The following PCDHGB6 variants were observed in gnomAD, a reference collection of about 807,000 sequenced individuals.
PCDHGB6 encodes protocadherin gamma-B6.
Under a neutral mutation model 59.1 loss-of-function variants are expected in PCDHGB6, and 51 were observed. The ratio of observed to expected loss-of-function variants is 0.86; its 90% CI spans 0.69 to 1.09. PCDHGB6 has a LOEUF of 1.09. Ranked by LOEUF, PCDHGB6 falls within the 50% of genes least tolerant of loss-of-function variation. The pLI is 0.00. For synonymous variants in PCDHGB6, 466 were observed against 495.1 expected (o/e 0.94, Z 0.78); for missense variants, 1,148 against 1,205.1 (o/e 0.95, Z 0.70).
At position 141,485,162 on chromosome 5, in the gene PCDHGB6, C is replaced by A. The variant is rs759021453; in HGVS notation, c.2419-9645C>A. The A allele has an allele frequency of 8.7e-6, 14 of 1,602,188 alleles. No individual in the cohort carries two copies. The Admixed American group carries it at 2.0e-4, about 23-fold the overall frequency. ...GTCTCAGGAGCAAGTAGAGAATTAGCGGGCGGCAGCAATGCTCCGCAAGGT... is the reference window on the plus strand; with the variant it reads ...GTCTCAGGAGCAAGTAGAGAATTAGAGGGCGGCAGCAATGCTCCGCAAGGT... On this transcript the variant is annotated intron_variant, in intron 1 of 3. Transcript: ENST00000520790. The surrounding 1 kb of genome is among the most constrained non-coding windows in gnomAD (Gnocchi z 5.7).
chr5:141,447,123 TTTTG>T (rs1327676720), intron 1 of PCDHGB6, among the ~76,000 whole-genome samples: 7 of 152,278 alleles, frequency 4.6e-5, no homozygotes, highest in African/African-American at 1.4e-4. Context: ...CCATGGATTT[TTTTG>T]TTTGTTTGTT....
intron 1 of PCDHGB6, chr5:141,413,386 GTC>G: frequency 6.2e-7 from 1 of 1,614,002 alleles, no homozygotes; most frequent in Non-Finnish European, 8.5e-7. Context: ...AGTCCGCATA[GTC>G]TCCAGAGGTA....
chr5:141,469,974 T>C (rs1456176152), intron 1 of PCDHGB6, among the ~76,000 whole-genome samples: 1 of 151,864 alleles, frequency 6.6e-6, no homozygotes, highest in African/African-American at 2.4e-5. Context: ...GTACCAAAAA[T>C]ACAAAAATTA....
chr5:141,413,636 T>G, intron 1 of PCDHGB6: 2 of 1,613,876 alleles, frequency 1.2e-6, no homozygotes, highest in South Asian at 2.2e-5. Context: ...GCTGCGGGAA[T>G]GCGTTTTCCT....
Position 141,419,681 on chromosome 5 carries a change from G to A in PCDHGB6, c.2418+9061G>A, listed in dbSNP as rs377117997. ...GCACAATGCCTGGCTGTCCTACCACGTGGTGCAGGCCAGTGAGCCCGGGCT... is the reference window on the plus strand; with the variant it reads ...GCACAATGCCTGGCTGTCCTACCACATGGTGCAGGCCAGTGAGCCCGGGCT... On this transcript the variant is annotated intron_variant, in intron 1 of 3. Coordinates refer to ENST00000520790, the MANE Select transcript of PCDHGB6 (RefSeq NM_018926.3). 76 of 1,612,904 alleles carry A rather than the reference G, an allele frequency of 4.7e-5. No homozygotes were observed. The highest frequency in any genetic ancestry group is 5.7e-5 in the Non-Finnish European group (67 of 1,179,706).
chr5:141,473,017 A>AGAAG (rs1484773075), intron 1 of PCDHGB6, among the ~76,000 whole-genome samples: 3 of 151,764 alleles, frequency 2.0e-5, no homozygotes, highest in African/African-American at 4.8e-5. Flanking sequence ...AGAAAAAGAA[A>AGAAG]GAAGGAAGGA....
rs745658462 is a variant in PCDHGB6 at position 141,414,720 on chromosome 5, T to C, written c.2418+4100T>C. 6 of 1,614,132 alleles carry C rather than the reference T, an allele frequency of 3.7e-6. No homozygotes were observed. The East Asian group carries it at 1.3e-4, about 36-fold the overall frequency. ...CATACATATCCATCAACTCAGACAC[T>C]GGCGTCCTGTATGCACTCAGATCCT... On this transcript the variant is annotated intron_variant, in intron 1 of 3. Coordinates refer to ENST00000520790, the MANE Select transcript of PCDHGB6 (RefSeq NM_018926.3).
chr5:141,503,307 G>T (rs1042228003), intron 2 of PCDHGB6, among the ~76,000 whole-genome samples: 5 of 152,096 alleles, frequency 3.3e-5, no homozygotes, highest in African/African-American at 1.2e-4. Context: ...GCTCAAGAAA[G>T]AATTGTTGGA....
In PCDHGB6 at chr5:141,432,171, T is replaced by C. The variant is rs114326665; in HGVS notation, c.2418+21551T>C. On this transcript the variant is annotated intron_variant, in intron 1 of 3. Coordinates refer to ENST00000520790, the MANE Select transcript of PCDHGB6 (RefSeq NM_018926.3). This position sits in a 1 kb window ranked among gnomAD's most constrained non-coding sequence, Gnocchi z 6.0. ...GAGAACAATCCCAGAGGAGTTTCCC[T>C]CGTCTCTGTGACCGCCCACGACCCC... The C allele has an allele frequency of 4.4e-5, 71 of 1,614,046 alleles. No individual in the cohort carries two copies. In the African/African-American group the frequency reaches 8.5e-4, roughly 19 times the overall value.
chr5:141,428,199 C>T (rs760718878), intron 1 of PCDHGB6: 28 of 1,364,510 alleles, frequency 2.1e-5, no homozygotes, highest in Non-Finnish European at 2.9e-5. Flanking sequence ...CTCTCTGCGC[C>T]GCTACGCTTC....
At chr5:141,453,321 T>TG (rs2098762672) in intron 1 of PCDHGB6, among the ~76,000 whole-genome samples, 2 of 151,876 alleles carry the variant, frequency 1.3e-5, no homozygotes, top group Admixed American at 6.6e-5. Context: ...ATTTTAGAGA[T>TG]GGGGTCTCAC....
At chr5:141,413,450 G>T (rs2095642221) in intron 1 of PCDHGB6, 1 of 1,614,148 alleles carries the variant, frequency 6.2e-7, no homozygotes, top group Non-Finnish European at 8.5e-7. Context: ...ATCACCGCGG[G>T]CAGGATAGAC....
At chr5:141,418,895 GAA>G (rs746676640) in intron 1 of PCDHGB6, 1 of 1,613,998 alleles carries the variant, frequency 6.2e-7, no homozygotes, top group Admixed American at 1.7e-5. Flanking sequence ...CAACAGCCCA[GAA>G]ATAATCATCA....
Position 141,489,391 on chromosome 5 carries a change from G to C in PCDHGB6, c.2419-5416G>C. 6.2e-7 allele frequency: 1 copy of C among 1,614,174 alleles called. No individual in the cohort carries two copies. The highest frequency in any genetic ancestry group is 8.5e-7 in the Non-Finnish European group (1 of 1,180,022). ...GACGCTGGTGGGGAATGTTGCTCAG[G>C]ATCTGGGCTTAAAGATGACAGATCT... On this transcript the variant is annotated intron_variant, in intron 1 of 3. Transcript: ENST00000520790. This position sits in a 1 kb window ranked among gnomAD's most constrained non-coding sequence, Gnocchi z 4.5.
At position 141,487,700 on chromosome 5, in the gene PCDHGB6, C is replaced by A; in HGVS notation, c.2419-7107C>A. On this transcript the variant is annotated intron_variant, in intron 1 of 3. Coordinates refer to ENST00000520790, the MANE Select transcript of PCDHGB6 (RefSeq NM_018926.3). This position sits in a 1 kb window ranked among gnomAD's most constrained non-coding sequence, Gnocchi z 5.0. ...AGGCCATGTCCTAGAGAGTACTGGCCTCTCAGTAAGTGCCCATAGTGATGT... is the reference window on the plus strand; with the variant it reads ...AGGCCATGTCCTAGAGAGTACTGGCATCTCAGTAAGTGCCCATAGTGATGT... The A allele has an allele frequency of 6.3e-7, 1 of 1,597,514 alleles. No homozygotes were observed. Among genetic ancestry groups the A allele is most frequent in the African/African-American group, 1.3e-5 (1 of 74,868 alleles).
chr5:141,449,484 A>G (rs1003440539), intron 1 of PCDHGB6, among the ~76,000 whole-genome samples: 2 of 150,848 alleles, frequency 1.3e-5, no homozygotes, highest in Non-Finnish European at 3.0e-5. Context: ...CCCCATGCCT[A>G]AGGGTGAGGC....
chr5:141,418,153 G>A (rs1561771797), intron 1 of PCDHGB6: 2 of 1,614,086 alleles, frequency 1.2e-6, no homozygotes, highest in East Asian at 2.2e-5. Context: ...TATGCAAAGA[G>A]AGAAGAAGAT....
chr5:141,423,288 C>T, intron 1 of PCDHGB6: 1 of 1,586,414 alleles, frequency 6.3e-7, no homozygotes, highest in African/African-American at 1.3e-5. Context: ...ACTCTGAAAC[C>T]TCAGACCTCT....
chr5:141,493,808 C>T lies in PCDHGB6; in HGVS notation c.2419-999C>T, dbSNP rs2099750260. On this transcript the variant is annotated intron_variant, in intron 1 of 3. Transcript: ENST00000520790. The surrounding 1 kb of genome is among the most constrained non-coding windows in gnomAD (Gnocchi z 4.3). ...CTTCTCCCTGGAGTAATCTGAGATA[C>T]TCACACTCTCTGCTTCTGGGAGCAA... is the stretch of plus-strand genomic sequence containing the variant. 6.6e-6 allele frequency among the ~76,000 whole-genome samples: 1 copy of T among 152,200 alleles called. No individual in the cohort carries two copies. The highest frequency in any genetic ancestry group is 1.5e-5 in the Non-Finnish European group (1 of 68,042).
Sources: allele counts gnomAD v4.1 joint callset (sites outside exome capture counted in the v4.1 genomes callset), GRCh38; gene constraint gnomAD v4.1.1; non-coding constraint Gnocchi (gnomAD v3.1); transcripts MANE v1.5; gene names NCBI Gene and HGNC (gene_info 2026-07-23, HGNC 2026-07-21).